The following RAC1 variants were observed in gnomAD, a reference collection of about 807,000 sequenced individuals.
RAC1 encodes Rac family small GTPase 1.
Under a neutral mutation model 25.2 loss-of-function variants are expected in RAC1, and 2 were observed. The observed-to-expected ratio is 0.08, with a 90% CI of 0.03 to 0.25. The LOEUF is 0.25. RAC1 is among the 10% of genes least tolerant of loss of function. The probability of loss-of-function intolerance (pLI) is 1.00; values close to 1 mark genes in which losing one functional copy is unlikely to be tolerated. For synonymous variants in RAC1, 88 were observed against 94.0 expected (o/e 0.94, Z 0.37); for missense variants, 50 against 235.7 (o/e 0.21, Z 5.16).
At chr7:6,382,435 T>G (rs1056528669) in intron 1 of RAC1, among the ~76,000 whole-genome samples, 1 of 152,232 alleles carries the variant, frequency 6.6e-6, no homozygotes, top group African/African-American at 2.4e-5. Context: ...TTTTTGAGCT[T>G]CTTGGATCTT....
chr7:6,385,531 T>G (rs1211869422), intron 1 of RAC1, among the ~76,000 whole-genome samples: 3 of 152,234 alleles, frequency 2.0e-5, no homozygotes, highest in Admixed American at 6.5e-5. Flanking sequence ...ATTCTAAGCT[T>G]TTAACGAAAT....
At chr7:6,378,557 GAAAA>G (rs1012701600) in intron 1 of RAC1, among the ~76,000 whole-genome samples, 10 of 151,574 alleles carry the variant, frequency 6.6e-5, no homozygotes, top group African/African-American at 2.2e-4. Context: ...GAAAAAAAAA[GAAAA>G]AAAGTCAGAA....
chr7:6,381,165 G>C (rs1782752309), intron 1 of RAC1, among the ~76,000 whole-genome samples: 1 of 152,132 alleles, frequency 6.6e-6, no homozygotes, highest in Non-Finnish European at 1.5e-5. Context: ...ACCATGCCCG[G>C]CCTGATTTTG....
chr7:6,402,180 G>T, intron 5 of RAC1, 136 bp from the exon 6 acceptor site: 3 of 1,456,230 alleles, frequency 2.1e-6, no homozygotes, highest in Non-Finnish European at 2.8e-6. Context: ...GGGTCTTAAC[G>T]TCAGCGTTGG....
In RAC1 at chr7:6,390,958, C is replaced by T. The variant is rs145744823; in HGVS notation, c.108-966C>T. ...TGTTGCCCAGGCCGGAGTGCAGTGG[C>T]GCAACTTGGCCCACTGCAACCTCTG... On this transcript the variant is annotated intron_variant, in intron 2 of 5. Coordinates refer to ENST00000348035, the MANE Select transcript of RAC1 (RefSeq NM_006908.5). 4.3e-4 allele frequency among the ~76,000 whole-genome samples: 66 copies of T among 152,194 alleles called. 1 individual carries two copies. The East Asian group carries it at 9.3e-3, about 21-fold the overall frequency.
intron 3 of RAC1, among the ~76,000 whole-genome samples, chr7:6,395,258 G>A (rs1451055390): frequency 2.6e-5 from 4 of 152,154 alleles, no homozygotes; most frequent in Admixed American, 2.0e-4. Context: ...GAGCCACTAC[G>A]CCTGGCCAGT....
rs2115214183 is a variant in RAC1, at chr7:6,400,116, CT to C, written c.226-5del. 6.2e-7 allele frequency: 1 copy of C among 1,607,454 alleles called. No homozygotes were observed. The highest frequency in any genetic ancestry group is 8.5e-7 in the Non-Finnish European group (1 of 1,174,228). On this transcript the variant is annotated splice_polypyrimidine_tract_variant and intron_variant, in intron 3 of 5. Coordinates refer to ENST00000348035, the MANE Select transcript of RAC1 (RefSeq NM_006908.5). ...TTGTCTAAATGTTTCCCTGTGTTTC[CT>C]TTTTGTAGGATGTGTTCTTAATTTG... is the stretch of plus-strand genomic sequence containing the variant.
At chr7:6,382,772 C>G (rs532746724) in intron 1 of RAC1, among the ~76,000 whole-genome samples, 6 of 152,312 alleles carry the variant, frequency 3.9e-5, no homozygotes, top group Admixed American at 1.3e-4. Flanking sequence ...ACTTGGGAGG[C>G]TGAGGCAGGA....
intron 1 of RAC1, among the ~76,000 whole-genome samples, chr7:6,378,443 TGCTGAG>T (rs1562460690): frequency 6.7e-6 from 1 of 150,336 alleles, no homozygotes; most frequent in African/African-American, 2.5e-5. Flanking sequence ...CTACTCAGGA[TGCTGAG>T]GCAGGAGAAT....
chr7:6,399,825 T>A, intron 3 of RAC1: 1 of 365,232 alleles, frequency 2.7e-6, no homozygotes, highest in Non-Finnish European at 5.0e-6. Flanking sequence ...TCATTTTAGA[T>A]AGTTAGGCGT....
intron 2 of RAC1, 31 bp from the exon 3 acceptor site, chr7:6,391,893 T>G (rs1783102951): frequency 6.2e-7 from 1 of 1,612,912 alleles, no homozygotes; most frequent in Admixed American, 1.7e-5. Context: ...CTTCTACACC[T>G]GTGACTAACC....
chr7:6,375,652 TTTTTC>T (rs1333640690), intron 1 of RAC1, among the ~76,000 whole-genome samples: 1 of 151,712 alleles, frequency 6.6e-6, no homozygotes, highest in Non-Finnish European at 1.5e-5. Flanking sequence ...GGGGGACTGT[TTTTTC>T]TTTTCTTTCT....
At chr7:6,393,806 C>G (rs1783155361) in intron 3 of RAC1, among the ~76,000 whole-genome samples, 1 of 152,150 alleles carries the variant, frequency 6.6e-6, no homozygotes, top group Admixed American at 6.5e-5. Flanking sequence ...GCTTAAGGAG[C>G]AAGAGGGGCG....
chr7:6,389,982 CCCT>C (rs1783041548), intron 2 of RAC1, among the ~76,000 whole-genome samples: 1 of 128,426 alleles, frequency 7.8e-6, no homozygotes, highest in Middle Eastern at 3.8e-3. Flanking sequence ...TTTCTTCCCT[CCCT>C]CCTCCTCTCC....
chr7:6,375,946 A>C (rs572724544), intron 1 of RAC1: 1 of 152,206 alleles, frequency 6.6e-6, no homozygotes, highest in East Asian at 1.9e-4. Context: ...AATTACTACC[A>C]GTTTAATCAA....
intron 1 of RAC1, among the ~76,000 whole-genome samples, chr7:6,381,976 G>A (rs1218377253): frequency 6.6e-6 from 1 of 151,874 alleles, no homozygotes; most frequent in African/African-American, 2.4e-5. Context: ...CTACTGCCTT[G>A]TCCTTAAGAT....
At chr7:6,392,067 G>A (rs375176154) in intron 3 of RAC1, 26 bp downstream of exon 3, 39 of 1,613,952 alleles carry the variant, frequency 2.4e-5, no homozygotes, top group Non-Finnish European at 3.3e-5. Context: ...GACTTTTAAT[G>A]TGTCTTTTAG....
intron 1 of RAC1, among the ~76,000 whole-genome samples, chr7:6,379,789 C>T (rs1010121350): frequency 6.6e-6 from 1 of 152,038 alleles, no homozygotes; most frequent in Admixed American, 6.6e-5. Context: ...CGCTCTGTCA[C>T]CCAGGCCGGG....
At position 6,374,543 on chromosome 7, in the gene RAC1, T is replaced by C; in HGVS notation, c.-193T>C. ...GGCCATTTCCTGTTTCTCTGCAGTTTTCCTCAGCTTTGGGTGGTGGCCGCT... is the reference window on the plus strand; with the variant it reads ...GGCCATTTCCTGTTTCTCTGCAGTTCTCCTCAGCTTTGGGTGGTGGCCGCT... On this transcript the variant is annotated 5_prime_UTR_variant, in exon 1 of 6. Transcript: ENST00000348035. The C allele has an allele frequency of 5.3e-6, 1 of 188,072 alleles. No individual in the cohort carries two copies. Among genetic ancestry groups the C allele is most frequent in the Non-Finnish European group, 1.0e-5 (1 of 95,346 alleles). 11.7% of individuals were successfully genotyped at this position (188,072 alleles called of 1,614,324 possible).
Sources: allele counts gnomAD v4.1 joint callset (sites outside exome capture counted in the v4.1 genomes callset), GRCh38; gene constraint gnomAD v4.1.1; transcripts MANE v1.5; gene names NCBI Gene and HGNC (gene_info 2026-07-23, HGNC 2026-07-21).